FRMPD3: variants seen among roughly 807,000 people sequenced by gnomAD.
FRMPD3 encodes FERM and PDZ domain containing 3.
A neutral mutation model predicts 97.9 loss-of-function variants in FRMPD3; 42 were observed. That is an observed-to-expected ratio of 0.43 (90% CI 0.34 to 0.55). FRMPD3 has a LOEUF of 0.55. Ranked by LOEUF, FRMPD3 falls within the 20% of genes least tolerant of loss-of-function variation. The probability of loss-of-function intolerance (pLI) is 0.03; values close to 1 mark genes in which losing one functional copy is unlikely to be tolerated. For missense variants in FRMPD3, 1,303 were observed against 1,457.7 expected, an observed-to-expected ratio of 0.89 and a Z score of 1.73; for synonymous variants, 577 against 581.1, an observed-to-expected ratio of 0.99 and a Z score of 0.10.
At chrX:107,548,141 G>C (rs185500559) in intron 5 of FRMPD3, among the ~76,000 whole-genome samples, 76 of 111,961 alleles carry the variant, frequency 6.8e-4, no homozygotes, top group African/African-American at 2.2e-3. Context: ...TTCTCATCTG[G>C]CTTCTCAAAT....
At position 107,601,401 on chromosome X, in the gene FRMPD3, C is replaced by A. The variant is rs1170909797; in HGVS notation, c.3362C>A (p.Thr1121Asn). ...CCCAAAAGAAGCAAGCTCGAAGAGA[C>A]CAGCCTGGTTCCCCGAGCTACCTAC... ...STPKRSKLEETSLVPRATYPM... is the reference protein window; with the variant it reads ...STPKRSKLEENSLVPRATYPM... Residue 1121 changes from threonine (T) to asparagine (N), a missense_variant, in exon 15 of 15, where the codon ACC becomes AAC. Physicochemically the swap from Thr to Asn is moderately conservative, Grantham distance 65. Transcript: ENST00000683843. The A allele has an allele frequency of 2.5e-6, 3 of 1,199,252 alleles. No individual in the cohort carries two copies. Among genetic ancestry groups the A allele is most frequent in the Non-Finnish European group, 3.4e-6 (3 of 890,259 alleles).
chrX:107,471,050 G>A (rs745919768), intron 1 of FRMPD3, among the ~76,000 whole-genome samples: 3 of 112,609 alleles, frequency 2.7e-5, no homozygotes, highest in South Asian at 7.4e-4. Context: ...GCTAGGATGA[G>A]GCCCAGGAAG....
At chrX:107,498,473 T>C (rs1921827934) in intron 1 of FRMPD3, among the ~76,000 whole-genome samples, 1 of 111,707 alleles carries the variant, frequency 9.0e-6, no homozygotes, top group Non-Finnish European at 1.9e-5. Flanking sequence ...GAAAATCCTC[T>C]CCTAATTTAG....
intron 1 of FRMPD3, among the ~76,000 whole-genome samples, chrX:107,484,724 A>C (rs1921460056): frequency 1.8e-5 from 2 of 112,172 alleles, no homozygotes; most frequent in African/African-American, 6.5e-5. Flanking sequence ...CTATCCATGG[A>C]TCGCCAAAAA....
chrX:107,539,155 G>A (rs1921168662), intron 4 of FRMPD3, among the ~76,000 whole-genome samples: 1 of 112,267 alleles, frequency 8.9e-6, no homozygotes, highest in South Asian at 3.7e-4. Context: ...TTGGTCTTTT[G>A]AAAAGGCTCA....
chrX:107,598,375 C>G (rs761569839), intron 14 of FRMPD3, among the ~76,000 whole-genome samples: 1 of 112,236 alleles, frequency 8.9e-6, no homozygotes, highest in South Asian at 3.7e-4. Context: ...TTTGGAAATG[C>G]CTTACAGATA....
At chrX:107,547,039 G>A (rs1216624516) in intron 5 of FRMPD3, among the ~76,000 whole-genome samples, 1 of 111,681 alleles carries the variant, frequency 9.0e-6, no homozygotes, top group Non-Finnish European at 1.9e-5. Flanking sequence ...CACTGGGCAA[G>A]CTGTCTGAAT....
intron 6 of FRMPD3, among the ~76,000 whole-genome samples, chrX:107,551,000 A>G (rs536656428): frequency 6.1e-4 from 68 of 112,190 alleles, no homozygotes; most frequent in South Asian, 3.7e-3. Context: ...TTGGACCAAC[A>G]AACGTTTGCT....
intron 1 of FRMPD3, among the ~76,000 whole-genome samples, chrX:107,503,860 C>G (rs956010036): frequency 1.8e-5 from 2 of 111,967 alleles, no homozygotes; most frequent in African/African-American, 6.5e-5. Flanking sequence ...TCAGGCCACC[C>G]TGATGGGCAA....
At chrX:107,486,103 A>G (rs1422551521) in intron 1 of FRMPD3, among the ~76,000 whole-genome samples, 1 of 112,355 alleles carries the variant, frequency 8.9e-6, no homozygotes, top group Non-Finnish European at 1.9e-5. Flanking sequence ...AAAATGCTGG[A>G]AAAGTAAAGA....
chrX:107,580,413 G>T (rs16985256), intron 13 of FRMPD3, among the ~76,000 whole-genome samples: 14,382 of 111,738 alleles, frequency 0.13, 1,901 homozygotes, highest in African/African-American at 0.4. Flanking sequence ...TGATCTGGAA[G>T]TCATGGTACC....
intron 1 of FRMPD3, among the ~76,000 whole-genome samples, chrX:107,458,671 T>A (rs762784142): frequency 1.8e-5 from 2 of 111,521 alleles, no homozygotes; most frequent in South Asian, 7.7e-4. Context: ...GACTCCCAGA[T>A]TTGAAGAGTC....
intron 1 of FRMPD3, among the ~76,000 whole-genome samples, chrX:107,459,850 C>T (rs923774212): frequency 9.3e-6 from 1 of 107,986 alleles, no homozygotes; most frequent in African/African-American, 3.4e-5. Flanking sequence ...TGGATGAACA[C>T]ACGTGTGTGT....
intron 12 of FRMPD3, among the ~76,000 whole-genome samples, chrX:107,574,424 T>C (rs1308881389): frequency 8.9e-6 from 1 of 112,793 alleles, no homozygotes; most frequent in African/African-American, 3.2e-5. Flanking sequence ...TTACAGATTA[T>C]CTGTGGCTAT....
intron 1 of FRMPD3, among the ~76,000 whole-genome samples, chrX:107,514,956 T>C (rs749158429): frequency 4.5e-5 from 5 of 111,624 alleles, no homozygotes; most frequent in Non-Finnish European, 9.4e-5. Context: ...ATTAAAGAGA[T>C]GATGGTGCCA....
intron 6 of FRMPD3, among the ~76,000 whole-genome samples, chrX:107,552,041 G>T (rs183949416): frequency 8.9e-6 from 1 of 112,148 alleles, no homozygotes; most frequent in African/African-American, 3.2e-5. Context: ...CAGTGTATAA[G>T]CCAAAGTCAC....
chrX:107,483,832 C>G (rs749986389), intron 1 of FRMPD3, among the ~76,000 whole-genome samples: 18 of 111,685 alleles, frequency 1.6e-4, no homozygotes, highest in African/African-American at 4.6e-4. Context: ...TGAGCTCCCT[C>G]TCTTGCTCTC....
At chrX:107,570,086 G>A (rs959989988) in intron 12 of FRMPD3, among the ~76,000 whole-genome samples, 2 of 96,108 alleles carry the variant, frequency 2.1e-5, no homozygotes, top group Non-Finnish European at 4.0e-5. Flanking sequence ...AGGAAGGAAA[G>A]AGAGAAAGAA....
At chrX:107,520,559 C>A (rs997667889) in intron 1 of FRMPD3, among the ~76,000 whole-genome samples, 2 of 110,915 alleles carry the variant, frequency 1.8e-5, no homozygotes, top group African/African-American at 6.6e-5. Flanking sequence ...CCTGGGGAGG[C>A]TGAGGTGGGA....
Sources: allele counts gnomAD v4.1 joint callset (sites outside exome capture counted in the v4.1 genomes callset), GRCh38; gene constraint gnomAD v4.1.1; transcripts MANE v1.5; gene names NCBI Gene and HGNC (gene_info 2026-07-23, HGNC 2026-07-21).